The following SCN9A variants were observed in gnomAD, a reference collection of about 807,000 sequenced individuals.
The protein encoded by SCN9A is sodium voltage-gated channel alpha subunit 9, also known as sodium channel protein type 9 subunit alpha.
A neutral mutation model predicts 187.0 loss-of-function variants in SCN9A; 131 were observed. That is an observed-to-expected ratio of 0.70 (90% confidence interval 0.61 to 0.81). The LOEUF is 0.81. Ranked by LOEUF, SCN9A falls within the 30% of genes least tolerant of loss-of-function variation. The pLI, the probability that SCN9A is intolerant of heterozygous loss-of-function variation, is 0.00. For synonymous variants in SCN9A, 809 were observed against 808.6 expected (o/e 1.00, Z -0.01); for missense variants, 2,252 against 2,396.6 (o/e 0.94, Z 1.26).
intron 1 of SCN9A, among the ~76,000 whole-genome samples, chr2:166,329,968 A>T (rs1330751912): frequency 6.6e-6 from 1 of 152,180 alleles, no homozygotes; most frequent in Non-Finnish European, 1.5e-5. Flanking sequence ...AACAAGAAAA[A>T]AAATCATCTT....
intron 6 of SCN9A, 163 bp downstream of exon 6, chr2:166,304,075 G>A: frequency 6.2e-7 from 1 of 1,613,570 alleles, no homozygotes; most frequent in Non-Finnish European, 8.5e-7. Flanking sequence ...AACTCTGAAT[G>A]TTCTCAATGC....
At chr2:166,213,878 C>G (rs1694205852) in intron 24 of SCN9A, among the ~76,000 whole-genome samples, 1 of 152,080 alleles carries the variant, frequency 6.6e-6, no homozygotes, top group Non-Finnish European at 1.5e-5. Flanking sequence ...AGAAAATACC[C>G]ATATCAAAAT....
At chr2:166,249,810 T>C (rs1186965937) in intron 18 of SCN9A, among the ~76,000 whole-genome samples, 2 of 152,160 alleles carry the variant, frequency 1.3e-5, no homozygotes, top group Non-Finnish European at 2.9e-5. Flanking sequence ...GTTTGAAACT[T>C]TAAGTTGATT....
At chr2:166,218,375 G>A (rs1482399187) in intron 24 of SCN9A, among the ~76,000 whole-genome samples, 3 of 151,744 alleles carry the variant, frequency 2.0e-5, no homozygotes, top group African/African-American at 7.3e-5. Context: ...AAACCTGCAC[G>A]TTGTGCACAT....
At position 166,229,108 on chromosome 2, in the gene SCN9A, G is replaced by T. The variant is rs980536642; in HGVS notation, c.3925-136C>A. The T allele has an allele frequency of 6.2e-6, 4 of 643,928 alleles. No individual in the cohort carries two copies. In the African/African-American group the frequency reaches 7.3e-5, roughly 12 times the overall value. 39.9% of individuals were successfully genotyped at this position (643,928 alleles called of 1,614,324 possible). On this transcript the variant is annotated intron_variant, in intron 21 of 26. Coordinates refer to ENST00000642356, the MANE Select transcript of SCN9A (RefSeq NM_001365536.1). ...ATCTAAGACATCAAACCAACCAGCC[G>T]ACTCATGTTTATTAAATGCCTACTC... is the stretch of plus-strand genomic sequence containing the variant.
At chr2:166,258,496 T>G (rs1696373331) in intron 17 of SCN9A, among the ~76,000 whole-genome samples, 1 of 151,564 alleles carries the variant, frequency 6.6e-6, no homozygotes, top group Non-Finnish European at 1.5e-5. Flanking sequence ...TTTTAACTGA[T>G]GCATTTTATA....
At chr2:166,358,121 G>A (rs1559061461) in intron 1 of SCN9A, among the ~76,000 whole-genome samples, 1 of 151,288 alleles carries the variant, frequency 6.6e-6, no homozygotes, top group Non-Finnish European at 1.5e-5. Flanking sequence ...CCAGGCTGGA[G>A]TGCCTTGGTG....
intron 1 of SCN9A, among the ~76,000 whole-genome samples, chr2:166,350,822 T>C (rs887307301): frequency 9.9e-5 from 15 of 152,178 alleles, no homozygotes; most frequent in African/African-American, 3.4e-4. Flanking sequence ...AGCGGCTTAG[T>C]TGCATGTGTA....
chr2:166,276,947 A>C, intron 16 of SCN9A, 36 bp downstream of exon 16: 31 of 1,539,124 alleles, frequency 2.0e-5, no homozygotes, highest in Non-Finnish European at 2.5e-5. Context: ...TAATTTCCAC[A>C]GAGAAATTAA....
chr2:166,275,987 C>T (rs546396227), intron 16 of SCN9A, among the ~76,000 whole-genome samples: 14 of 152,136 alleles, frequency 9.2e-5, no homozygotes, highest in African/African-American at 3.4e-4. Flanking sequence ...TGGCTGTTAC[C>T]ATATCCCACC....
At chr2:166,311,376 A>C (rs1265574799) in intron 2 of SCN9A, 123 bp downstream of exon 2, 6 of 127,852 alleles carry the variant, frequency 4.7e-5, no homozygotes, top group Admixed American at 2.5e-4. Flanking sequence ...ATATATATAT[A>C]TTTAATTTAA....
chr2:166,366,133 TG>T (rs1700409149), intron 1 of SCN9A, among the ~76,000 whole-genome samples: 1 of 152,036 alleles, frequency 6.6e-6, no homozygotes, highest in South Asian at 2.1e-4. Flanking sequence ...TGCCAACTCC[TG>T]ACCTACACAT....
chr2:166,228,632 T>A (rs1487760527), intron 22 of SCN9A, 59 bp downstream of exon 22: 2 of 76,402 alleles, frequency 2.6e-5, no homozygotes, highest in Non-Finnish European at 4.0e-5. Flanking sequence ...AAAGAATAAC[T>A]TATATCCTTC....
rs16851755 is a variant in SCN9A at position 166,198,435 on chromosome 2, G to C, written c.*237C>G. On this transcript the variant is annotated 3_prime_UTR_variant, in exon 27 of 27. Transcript: ENST00000642356. ...AAAACCAAAAAACTGAATCACTTTT[G>C]TATGCTATAATCAATAATTCCTACA... 8.9e-3 allele frequency: 3,599 copies of C among 403,042 alleles called. 93 individuals carry two copies. Among genetic ancestry groups the C allele is most frequent in the African/African-American group, 0.069 (3,203 of 46,162 alleles). 25.0% of individuals were successfully genotyped at this position (403,042 alleles called of 1,614,324 possible). A position where few individuals can be genotyped will look rare whatever the true frequency, so the allele number is the denominator to read the frequency against.
intron 2 of SCN9A, among the ~76,000 whole-genome samples, chr2:166,308,260 T>C (rs1188093475): frequency 6.6e-6 from 1 of 152,204 alleles, no homozygotes; most frequent in Non-Finnish European, 1.5e-5. Flanking sequence ...ATCCATTCTT[T>C]CTGCAATTGT....
chr2:166,265,593 G>A (rs917567459), intron 17 of SCN9A, among the ~76,000 whole-genome samples: 3 of 151,918 alleles, frequency 2.0e-5, no homozygotes, highest in Non-Finnish European at 4.4e-5. Context: ...TATTGGGACT[G>A]CTGGATCATA....
At chr2:166,265,747 G>T (rs983521392) in intron 17 of SCN9A, among the ~76,000 whole-genome samples, 1 of 151,668 alleles carries the variant, frequency 6.6e-6, no homozygotes, top group African/African-American at 2.4e-5. Context: ...TTTTTTGATG[G>T]TAGCCATTTT....
At chr2:166,266,126 A>C (rs933351639) in intron 17 of SCN9A, among the ~76,000 whole-genome samples, 3 of 151,962 alleles carry the variant, frequency 2.0e-5, no homozygotes, top group African/African-American at 7.2e-5. Flanking sequence ...TTTATCCAAA[A>C]AAATCCTTGC....
At chr2:166,304,100 G>T (rs1232151934) in intron 6 of SCN9A, 138 bp downstream of exon 6, 1 of 1,613,346 alleles carries the variant, frequency 6.2e-7, no homozygotes, top group East Asian at 2.2e-5. Context: ...ACATTGCCCA[G>T]GTCCACAAAC....
Sources: gnomAD v4.1 joint callset for allele counts (sites outside exome capture counted in the v4.1 genomes callset) on GRCh38, gnomAD v4.1.1 for gene constraint, MANE v1.5 for transcripts, NCBI Gene and HGNC (gene_info 2026-07-23, HGNC 2026-07-21) for gene names.